Variants in IL27 observed in about 807,000 individuals in gnomAD.
The protein encoded by IL27 is interleukin-27 subunit alpha.
IL27 carries 11 observed loss-of-function variants against 27.0 expected under a neutral mutation model. The ratio of observed to expected loss-of-function variants is 0.41; its 90% CI spans 0.26 to 0.67. The LOEUF (loss-of-function observed/expected upper bound fraction) is 0.67. IL27 is among the 30% of genes least tolerant of loss of function. The pLI is 0.34. For missense variants in IL27, 299 were observed against 310.4 expected (o/e 0.96, Z 0.28); for synonymous variants, 134 against 140.6 (o/e 0.95, Z 0.33).
chr16:28,502,682 C>T (rs1173175620), intron 3 of IL27, among the ~76,000 whole-genome samples: 3 of 152,090 alleles, frequency 2.0e-5, no homozygotes, highest in Admixed American at 6.6e-5. Flanking sequence ...TCCGCATTCT[C>T]ACCCCCAGTG....
At chr16:28,504,448 G>T (rs868804578) in intron 1 of IL27, among the ~76,000 whole-genome samples, 52 of 152,006 alleles carry the variant, frequency 3.4e-4, no homozygotes, top group African/African-American at 1.2e-3. Flanking sequence ...GCTCCAGCCT[G>T]GGCGACAGAG....
intron 1 of IL27, 49 bp downstream of exon 1, chr16:28,506,732 T>C (rs1459392398): frequency 1.9e-6 from 3 of 1,596,046 alleles, no homozygotes; most frequent in Non-Finnish European, 2.6e-6. Context: ...AGCTCGTCCA[T>C]TCTCTGCCCA....
At position 28,506,818 on chromosome 16, in the gene IL27, G is replaced by A; in HGVS notation, c.-7C>T. ...CGCCTGCCGTCTGGCCCATGGCGGG[G>A]CCCAGCCTCTTTGGTCAGCCATCTC... On this transcript the variant is annotated 5_prime_UTR_variant, in exon 1 of 5. Transcript: ENST00000356897. 4 of 1,611,424 alleles carry A rather than the reference G, an allele frequency of 2.5e-6. No individual in the cohort carries two copies. Among genetic ancestry groups the A allele is most frequent in the Non-Finnish European group, 3.4e-6 (4 of 1,178,850 alleles).
chr16:28,499,964 C>T, intron 4 of IL27, 44 bp from the exon 5 acceptor site: 2 of 1,497,064 alleles, frequency 1.3e-6, no homozygotes, highest in Non-Finnish European at 8.9e-7. Flanking sequence ...AGGCCGAGAA[C>T]CTGAGAGGAA....
rs113113152 is a variant in IL27, at chr16:28,504,587, C to CT, written c.32-538dup. On this transcript the variant is annotated intron_variant, in intron 1 of 4. Transcript: ENST00000356897. ...TTGCAAAAAGACCAGAAGCCTGATC[C>CT]TTTTTTTTTTTTTTTGAAACAGAGT... 7.7e-4 allele frequency among the ~76,000 whole-genome samples: 111 copies of CT among 144,482 alleles called. 1 individual carries two copies. The highest frequency in any genetic ancestry group is 3.6e-3 in the Middle Eastern group (1 of 278). The allele number at this position is 144,482 out of a possible 152,430, so 94.8% of individuals were successfully genotyped here.
Position 28,506,661 on chromosome 16 carries a change from G to A in IL27, c.31+120C>T, listed in dbSNP as rs192569932. On this transcript the variant is annotated intron_variant, in intron 1 of 4. Transcript: ENST00000356897. ...CTCCCTTCCCATGCAGCAGCCAGCC[G>A]AATCCTCAGTCTTGGCCAAGTTGCT... 3.2e-4 allele frequency: 317 copies of A among 983,828 alleles called. 2 individuals are homozygous for A. In the African/African-American group the frequency reaches 4.5e-3, roughly 14 times the overall value. 60.9% of individuals were successfully genotyped at this position (983,828 alleles called of 1,614,324 possible).
chr16:28,504,253 G>A (rs1163895370), intron 1 of IL27, among the ~76,000 whole-genome samples: 2 of 152,148 alleles, frequency 1.3e-5, no homozygotes, highest in Admixed American at 6.5e-5. Flanking sequence ...CGAGGCGGGC[G>A]GATCACCTGA....
chr16:28,500,010 G>A (rs1046654061), intron 4 of IL27, 90 bp from the exon 5 acceptor site: 2 of 1,427,194 alleles, frequency 1.4e-6, no homozygotes, highest in African/African-American at 2.9e-5. Flanking sequence ...GGTTCCCAAT[G>A]ACATCAGTGA....
rs764443918 is a variant in IL27, at chr16:28,503,738, A to G, written c.260T>C (p.Leu87Pro). Reference protein sequence around the residue: ...NLYLLPLGEQLPDVSLTFQAW... With the variant: ...NLYLLPLGEQPPDVSLTFQAW... ...CTGGAAGGTCAGGGAAACATCAGGG[A>G]GCTGCTCTCCCAGGGGCAGGAGGTA... The change falls in exon 3 of 5, where the codon CTC (leucine) becomes CCC (proline). Residue 87 changes from leucine to proline, a missense_variant. By Grantham distance (98) the Leu-to-Pro change is moderately conservative. Coordinates refer to ENST00000356897, the MANE Select transcript of IL27 (RefSeq NM_145659.3). 2 of 1,613,578 alleles carry G rather than the reference A, an allele frequency of 1.2e-6. No homozygotes were observed. Among genetic ancestry groups the G allele is most frequent in the Non-Finnish European group, 1.7e-6 (2 of 1,179,798 alleles).
At position 28,499,575 on chromosome 16, in the gene IL27, C is replaced by T. The variant is rs1404270766; in HGVS notation, c.*76G>A. On this transcript the variant is annotated 3_prime_UTR_variant, in exon 5 of 5. Transcript: ENST00000356897. ...CCTCCCTTGTCCAAGGCTGATGATG[C>T]GAAGGCTGCCCTGATGCCAAGACTC... is the stretch of plus-strand genomic sequence containing the variant. 1.2e-5 allele frequency: 15 copies of T among 1,253,446 alleles called. No homozygotes were observed. The highest frequency in any genetic ancestry group is 4.3e-5 in the Admixed American group (2 of 46,674). The allele number at this position is 1,253,446 out of a possible 1,614,324, so 77.6% of individuals were successfully genotyped here.
intron 4 of IL27, among the ~76,000 whole-genome samples, chr16:28,500,222 C>T (rs78619502): frequency 2.0e-5 from 3 of 152,256 alleles, no homozygotes; most frequent in Admixed American, 6.5e-5. Flanking sequence ...GCTTTTGGGT[C>T]GGGTCAGCAA....
At position 28,504,947 on chromosome 16, in the gene IL27, A is replaced by G. The variant is rs2046453430; in HGVS notation, c.32-897T>C. 2.6e-5 allele frequency among the ~76,000 whole-genome samples: 4 copies of G among 152,220 alleles called. No homozygotes were observed. In the South Asian group the frequency reaches 8.3e-4, roughly 31 times the overall value. ...ATGCCTTTTTCAGTGAGCAACCTGC[A>G]CAACCACGTGTGGCAGCCTCAGTGC... On this transcript the variant is annotated intron_variant, in intron 1 of 4. Transcript: ENST00000356897.
chr16:28,502,288 C>T (rs1180552218), intron 3 of IL27, among the ~76,000 whole-genome samples, 154 bp from the exon 4 acceptor site: 22 of 151,910 alleles, frequency 1.4e-4, no homozygotes, highest in Admixed American at 1.4e-3. Context: ...GCTGTGTCCC[C>T]ATTCCTTCCA....
In IL27 at chr16:28,504,007, A is replaced by G. The variant is rs755950314; in HGVS notation, c.75T>C (p.Gly25=). ...CTGGGGGCCTTGGGAATCCCCAGACACCAGCTTGAACCAGGAGCAAGGGAA... is the reference window on the plus strand; with the variant it reads ...CTGGGGGCCTTGGGAATCCCCAGACGCCAGCTTGAACCAGGAGCAAGGGAA... ...LLLPLLLVQA[G]VWGFPRPPGR... Residue 25 remains glycine, a synonymous_variant, in exon 2 of 5, where the codon GGT becomes GGC. Coordinates refer to ENST00000356897, the MANE Select transcript of IL27 (RefSeq NM_145659.3). 6.2e-7 allele frequency: 1 copy of G among 1,612,340 alleles called. No homozygotes were observed. Among genetic ancestry groups the G allele is most frequent in the Non-Finnish European group, 8.5e-7 (1 of 1,178,992 alleles).
At chr16:28,499,957 C>G in intron 4 of IL27, 37 bp from the exon 5 acceptor site, 1 of 1,507,598 alleles carries the variant, frequency 6.6e-7, no homozygotes, top group Non-Finnish European at 8.9e-7. Flanking sequence ...AGGGGCCAGG[C>G]CGAGAACCTG....
At chr16:28,500,199 T>G (rs2046422580) in intron 4 of IL27, among the ~76,000 whole-genome samples, 4 of 152,210 alleles carry the variant, frequency 2.6e-5, no homozygotes. Flanking sequence ...AGTTTCTCTC[T>G]GCTGTGAAAG....
intron 1 of IL27, among the ~76,000 whole-genome samples, chr16:28,505,562 C>T (rs2046456756): frequency 6.6e-6 from 1 of 152,168 alleles, no homozygotes; most frequent in Admixed American, 6.6e-5. Context: ...AGGTGATCCG[C>T]CTGCCTTGGC....
At position 28,503,795 on chromosome 16, in the gene IL27, T is replaced by TG; in HGVS notation, c.205-3dup. 6.2e-7 allele frequency: 1 copy of TG among 1,612,626 alleles called. No individual in the cohort carries two copies. The highest frequency in any genetic ancestry group is 1.1e-5 in the South Asian group (1 of 90,946). On this transcript the variant is annotated splice_polypyrimidine_tract_variant and splice_region_variant and intron_variant, in intron 2 of 4. Coordinates refer to ENST00000356897, the MANE Select transcript of IL27 (RefSeq NM_145659.3). ...CACTCCTGGCAGGTGAGATTCCGCC[T>TG]GGGGGGCAAGGTCTGTTAGTGGGGG... is the stretch of plus-strand genomic sequence containing the variant.
Position 28,499,853 on chromosome 16 carries a change from C to T in IL27, c.530G>A (p.Arg177Lys). 6.4e-7 allele frequency: 1 copy of T among 1,560,832 alleles called. No individual in the cohort carries two copies. The highest frequency in any genetic ancestry group is 8.7e-7 in the Non-Finnish European group (1 of 1,152,568). ...CAGTGCCCCTGGGAGCAGCCCCTTC[C>T]TCTCCTCCTCCTCCTCCTCCTCTTC... ...EEEEEEEEEERKGLLPGALGS... is the reference protein window; with the variant it reads ...EEEEEEEEEEKKGLLPGALGS... Residue 177 changes from arginine (R) to lysine (K), a missense_variant, in exon 5 of 5, where the codon AGG (arginine) becomes AAG (lysine). Coordinates refer to ENST00000356897, the MANE Select transcript of IL27 (RefSeq NM_145659.3).
Sources: allele counts gnomAD v4.1 joint callset (sites outside exome capture counted in the v4.1 genomes callset), GRCh38; gene constraint gnomAD v4.1.1; transcripts MANE v1.5; gene names NCBI Gene and HGNC (gene_info 2026-07-23, HGNC 2026-07-21).